Variants in MRPS9 observed in about 807,000 individuals in gnomAD.
MRPS9 encodes the protein mitochondrial ribosomal protein S9.
In MRPS9, 45 loss-of-function variants were observed where a neutral mutation model predicts 59.9. That is an observed-to-expected ratio of 0.75 (90% CI 0.59 to 0.96). The LOEUF (loss-of-function observed/expected upper bound fraction) is 0.96, where lower values mean the gene tolerates loss of function less well. MRPS9 is among the 40% of genes least tolerant of loss of function. MRPS9 has a pLI of 0.00. For synonymous variants in MRPS9, 171 were observed against 166.8 expected (o/e 1.03, Z -0.19); for missense variants, 473 against 481.1 (o/e 0.98, Z 0.16).
At position 105,099,789 on chromosome 2, in the gene MRPS9, G is replaced by A. The variant is rs1487913971; in HGVS notation, c.*28G>A. The A allele has an allele frequency of 6.2e-7, 1 of 1,606,848 alleles. No individual in the cohort carries two copies. The highest frequency in any genetic ancestry group is 1.3e-5 in the African/African-American group (1 of 74,780). Reference sequence around the variant, plus strand: ...GTTTGCTCCCAGGAAAGGAGAGGAAGAGCTATATATATGTGCCGACATGTG... The same window carrying A: ...GTTTGCTCCCAGGAAAGGAGAGGAAAAGCTATATATATGTGCCGACATGTG... On this transcript the variant is annotated 3_prime_UTR_variant, in exon 11 of 11. Transcript: ENST00000258455.
rs201404629 is a variant in MRPS9 at position 105,092,493 on chromosome 2, A to T, written c.744A>T (p.Val248=). Residue 248 remains valine (V), a synonymous_variant, in exon 8 of 11, where the codon GTA becomes GTT. Coordinates refer to ENST00000258455, the MANE Select transcript of MRPS9 (RefSeq NM_182640.3). The part of the protein sequence containing the change: ...EEFVQRFRRS[V]TLESKKQLIE... ...TTGTGCAGAGGTTTCGAAGAAGTGT[A>T]ACTCTTGAATCAAAAAAACAGCTGA... 3 of 1,613,900 alleles carry T rather than the reference A, an allele frequency of 1.9e-6. No homozygotes were observed. Among genetic ancestry groups the T allele is most frequent in the Non-Finnish European group, 2.5e-6 (3 of 1,179,952 alleles).
At chr2:105,065,365 G>A (rs1679981479) in intron 2 of MRPS9, among the ~76,000 whole-genome samples, 2 of 152,166 alleles carry the variant, frequency 1.3e-5, no homozygotes, top group South Asian at 4.1e-4. Context: ...TTCAGTGTAA[G>A]CTACTTAACT....
chr2:105,085,774 T>G (rs1425539025), intron 5 of MRPS9, among the ~76,000 whole-genome samples: 1 of 152,180 alleles, frequency 6.6e-6, no homozygotes, highest in Non-Finnish European at 1.5e-5. Flanking sequence ...CCTGTCATAT[T>G]TGAAAATTAC....
intron 5 of MRPS9, among the ~76,000 whole-genome samples, chr2:105,082,822 C>T (rs1019988417): frequency 4.6e-5 from 7 of 152,110 alleles, no homozygotes; most frequent in African/African-American, 1.4e-4. Context: ...TATAATGATC[C>T]ACATGTCTTC....
At chr2:105,044,491 G>T (rs917548003) in intron 1 of MRPS9, among the ~76,000 whole-genome samples, 22 of 152,166 alleles carry the variant, frequency 1.4e-4, no homozygotes, top group Admixed American at 3.3e-4. Context: ...TTTCCAGAAT[G>T]CCATACTCTT....
At chr2:105,038,587 G>T (rs1342219427) in intron 1 of MRPS9, 1 of 197,102 alleles carries the variant, frequency 5.1e-6, no homozygotes, top group Admixed American at 5.6e-5. Context: ...CGCCAGAGAA[G>T]AATGATGGGA....
chr2:105,065,398 G>A (rs1282277060), intron 2 of MRPS9, among the ~76,000 whole-genome samples: 1 of 152,114 alleles, frequency 6.6e-6, no homozygotes, highest in Non-Finnish European at 1.5e-5. Flanking sequence ...TCTGTAAAAT[G>A]GAGCTCATGA....
At chr2:105,070,055 G>C (rs757197375) in intron 2 of MRPS9, among the ~76,000 whole-genome samples, 2 of 152,078 alleles carry the variant, frequency 1.3e-5, no homozygotes, top group Admixed American at 6.5e-5. Context: ...GCAAAGGAAG[G>C]GGGTAGGTGG....
At chr2:105,064,945 TGTAA>T (rs1679972972) in intron 2 of MRPS9, among the ~76,000 whole-genome samples, 1 of 152,206 alleles carries the variant, frequency 6.6e-6, no homozygotes, top group Admixed American at 6.5e-5. Context: ...CTGTGTAACC[TGTAA>T]GTATTTCTAT....
chr2:105,077,276 A>G (rs1390055287), intron 4 of MRPS9, among the ~76,000 whole-genome samples: 1 of 152,026 alleles, frequency 6.6e-6, no homozygotes, highest in Non-Finnish European at 1.5e-5. Context: ...AAGAAATAAC[A>G]TCTTGTAAAA....
At chr2:105,086,096 ATTGT>A (rs1680439211) in intron 5 of MRPS9, among the ~76,000 whole-genome samples, 1 of 152,156 alleles carries the variant, frequency 6.6e-6, no homozygotes, top group Non-Finnish European at 1.5e-5. Context: ...CACCAGTAAA[ATTGT>A]TTGACTCTTG....
intron 2 of MRPS9, among the ~76,000 whole-genome samples, chr2:105,049,661 A>G (rs1420608388): frequency 1.3e-5 from 2 of 152,212 alleles, no homozygotes; most frequent in Non-Finnish European, 2.9e-5. Flanking sequence ...TGGTAATGAA[A>G]ATAGAGTCAA....
intron 2 of MRPS9, among the ~76,000 whole-genome samples, chr2:105,056,882 G>A (rs1573422700): frequency 6.6e-6 from 1 of 152,132 alleles, no homozygotes; most frequent in South Asian, 2.1e-4. Flanking sequence ...CTTGTCACTA[G>A]TGGTACTTAT....
chr2:105,048,921 A>G (rs1679658278), intron 1 of MRPS9, among the ~76,000 whole-genome samples: 1 of 151,986 alleles, frequency 6.6e-6, no homozygotes, highest in Admixed American at 6.6e-5. Context: ...TACCACTTAC[A>G]GGTATTTTTG....
chr2:105,040,915 T>C (rs759399156), intron 1 of MRPS9, among the ~76,000 whole-genome samples: 3 of 152,170 alleles, frequency 2.0e-5, no homozygotes, highest in Non-Finnish European at 2.9e-5. Context: ...ATAGGAGTTA[T>C]ATGAAAACAG....
intron 5 of MRPS9, among the ~76,000 whole-genome samples, chr2:105,080,844 G>GT (rs1680317912): frequency 1.3e-5 from 2 of 151,936 alleles, no homozygotes; most frequent in Admixed American, 1.3e-4. Flanking sequence ...ATTATCTGCT[G>GT]TTTATTTGTG....
intron 1 of MRPS9, among the ~76,000 whole-genome samples, chr2:105,042,317 G>A (rs1017973755): frequency 6.6e-5 from 10 of 152,368 alleles, no homozygotes; most frequent in Admixed American, 6.5e-4. Flanking sequence ...TCGGGCTGAA[G>A]GCCCCAGGTC....
intron 1 of MRPS9, among the ~76,000 whole-genome samples, chr2:105,041,871 T>C (rs1004099547): frequency 2.0e-5 from 3 of 152,212 alleles, no homozygotes; most frequent in African/African-American, 4.8e-5. Flanking sequence ...TTGCTGTAAT[T>C]AGGAAAAATA....
intron 9 of MRPS9, among the ~76,000 whole-genome samples, chr2:105,094,443 G>T (rs1680619725): frequency 6.6e-6 from 1 of 152,062 alleles, no homozygotes; most frequent in Non-Finnish European, 1.5e-5. Flanking sequence ...ACAGAAGTTT[G>T]GTATGATTAG....
Sources: gnomAD v4.1 joint callset for allele counts (sites outside exome capture counted in the v4.1 genomes callset) on GRCh38, gnomAD v4.1.1 for gene constraint, MANE v1.5 for transcripts, NCBI Gene and HGNC (gene_info 2026-07-23, HGNC 2026-07-21) for gene names.